BCL2L13: variants seen among roughly 807,000 people sequenced by gnomAD.
BCL2L13 encodes bcl-2-like protein 13.
A neutral mutation model predicts 25.8 loss-of-function variants in BCL2L13; 13 were observed. The ratio of observed to expected loss-of-function variants is 0.50; its 90% CI spans 0.33 to 0.80. The LOEUF (loss-of-function observed/expected upper bound fraction) is 0.80. Among genes scored for constraint, BCL2L13 ranks in the 30% least tolerant of loss-of-function variants. The pLI is 0.02. For missense variants in BCL2L13, 504 were observed against 574.9 expected, an observed-to-expected ratio of 0.88 and a Z score of 1.26; for synonymous variants, 244 against 230.3, an observed-to-expected ratio of 1.06 and a Z score of -0.54.
rs395379 is a variant in BCL2L13, at chr22:17,730,157, A to G, written c.*2623A>G. The G allele has an allele frequency of 0.12, 17,763 of 151,994 alleles. 1,473 individuals carry two copies. Among genetic ancestry groups the G allele is most frequent in the Non-Finnish European group, 0.18 (11,961 of 67,946 alleles). The allele number at this position is 151,994 out of a possible 1,614,324, so 9.4% of individuals were successfully genotyped here. A position where few individuals can be genotyped will look rare whatever the true frequency, so the allele number is the denominator to read the frequency against. ...TTGAAGGTAATGATTTATTGGGGGG[A>G]AAAAACAACGCCAATTTATCCTCTC... On this transcript the variant is annotated 3_prime_UTR_variant, in exon 7 of 7. Transcript: ENST00000317582.
chr22:17,718,558 CCTATA>C, intron 6 of BCL2L13, among the ~76,000 whole-genome samples: 1 of 152,160 alleles, frequency 6.6e-6, no homozygotes, highest in Non-Finnish European at 1.5e-5. Context: ...TTACATTATG[CCTATA>C]CTAATGAAAA....
chr22:17,651,262 T>C (rs2058674894), intron 1 of BCL2L13, among the ~76,000 whole-genome samples: 1 of 151,610 alleles, frequency 6.6e-6, no homozygotes, highest in Non-Finnish European at 1.5e-5. Flanking sequence ...CCTCCCAAAG[T>C]GCTAGGATTA....
At chr22:17,715,046 G>T (rs1266624710) in intron 6 of BCL2L13, among the ~76,000 whole-genome samples, 1 of 146,816 alleles carries the variant, frequency 6.8e-6, no homozygotes, top group Non-Finnish European at 1.5e-5. Context: ...AGAAGTGACA[G>T]CTATTCAGTG....
chr22:17,668,792 A>G (rs758446934), intron 2 of BCL2L13, among the ~76,000 whole-genome samples: 1 of 151,986 alleles, frequency 6.6e-6, no homozygotes, highest in Non-Finnish European at 1.5e-5. Context: ...ATTTTTACAT[A>G]TGGTTTGAAG....
At chr22:17,642,147 T>G (rs1312895045) in intron 1 of BCL2L13, among the ~76,000 whole-genome samples, 2 of 146,482 alleles carry the variant, frequency 1.4e-5, no homozygotes, top group African/African-American at 5.1e-5. Flanking sequence ...TTTTTTTTTT[T>G]TTTGAGACGG....
In BCL2L13 at chr22:17,728,089, C is replaced by CG; in HGVS notation, c.*555_*556insG. ...TTAATCCCCTTAGAATTTCATCTTTCTCGATGAGCAGGCTCTGCACCCACT... is the reference window on the plus strand; with the variant it reads ...TTAATCCCCTTAGAATTTCATCTTTCGTCGATGAGCAGGCTCTGCACCCACT... On this transcript the variant is annotated 3_prime_UTR_variant, in exon 7 of 7. Transcript: ENST00000317582. 6.4e-6 allele frequency: 1 copy of CG among 157,370 alleles called. No homozygotes were observed. Among genetic ancestry groups the CG allele is most frequent in the Admixed American group, 6.0e-5 (1 of 16,806 alleles). 9.7% of individuals were successfully genotyped at this position (157,370 alleles called of 1,614,324 possible). A position where few individuals can be genotyped will look rare whatever the true frequency, so the allele number is the denominator to read the frequency against.
intron 1 of BCL2L13, chr22:17,629,061 G>A: frequency 5.5e-6 from 1 of 183,474 alleles, no homozygotes; most frequent in Non-Finnish European, 1.2e-5. Flanking sequence ...ACAGGGTTAT[G>A]GGCTTAGGGG....
chr22:17,630,992 G>A (rs2058002510), intron 1 of BCL2L13, among the ~76,000 whole-genome samples: 1 of 151,966 alleles, frequency 6.6e-6, no homozygotes, highest in African/African-American at 2.4e-5. Flanking sequence ...GTCACTTACT[G>A]CATTAGTGAT....
chr22:17,691,705 C>T (rs545941121), intron 4 of BCL2L13, among the ~76,000 whole-genome samples: 75 of 152,106 alleles, frequency 4.9e-4, no homozygotes, highest in Middle Eastern at 3.4e-3. Context: ...TTGGAGCAAA[C>T]CATGTCACCC....
chr22:17,660,114 C>A (rs1159012479), intron 2 of BCL2L13, among the ~76,000 whole-genome samples: 1 of 146,586 alleles, frequency 6.8e-6, no homozygotes, highest in African/African-American at 2.4e-5. Flanking sequence ...ACCTTGGCCT[C>A]CCAAAGTGCT....
rs1432076286 is a variant in BCL2L13, at chr22:17,681,482, G to GTAC, written c.122-1732_122-1731insTAC. Among the ~76,000 whole-genome samples, 152 of 150,936 alleles carry GTAC rather than the reference G, an allele frequency of 1.0e-3. 1 individual carries two copies. The highest frequency in any genetic ancestry group is 2.4e-3 in the Admixed American group (37 of 15,122). On this transcript the variant is annotated intron_variant, in intron 2 of 6. Coordinates refer to ENST00000317582, the MANE Select transcript of BCL2L13 (RefSeq NM_015367.4). ...CCACTGTACTCCAGCCTGGGGGACA[G>GTAC]AGCGAGACTCCGTCTGAAAAAAAAA...
At chr22:17,632,075 C>G (rs935067369) in intron 1 of BCL2L13, among the ~76,000 whole-genome samples, 2 of 152,042 alleles carry the variant, frequency 1.3e-5, no homozygotes, top group African/African-American at 4.8e-5. Context: ...CCCATTTGTA[C>G]TAGTGTACAA....
intron 1 of BCL2L13, among the ~76,000 whole-genome samples, chr22:17,631,942 G>A (rs1254284131): frequency 2.0e-5 from 3 of 151,058 alleles, no homozygotes; most frequent in African/African-American, 7.3e-5. Context: ...GGCTGATCTC[G>A]AACTCCTGAC....
At chr22:17,654,527 A>G (rs564180420) in intron 1 of BCL2L13, among the ~76,000 whole-genome samples, 1 of 151,018 alleles carries the variant, frequency 6.6e-6, no homozygotes, top group African/African-American at 2.4e-5. Flanking sequence ...GGTTTATGCC[A>G]TTCTCCTGCC....
intron 2 of BCL2L13, among the ~76,000 whole-genome samples, chr22:17,677,098 T>G (rs566963828): frequency 6.6e-6 from 1 of 152,300 alleles, no homozygotes; most frequent in South Asian, 2.1e-4. Flanking sequence ...GGCAGGAGGA[T>G]GGCTTGAGCC....
At chr22:17,697,802 A>G (rs2060308791) in intron 5 of BCL2L13, among the ~76,000 whole-genome samples, 1 of 152,086 alleles carries the variant, frequency 6.6e-6, no homozygotes, top group South Asian at 2.1e-4. Flanking sequence ...ATTCTCTCTG[A>G]TATAGACATT....
intron 1 of BCL2L13, among the ~76,000 whole-genome samples, chr22:17,651,407 G>T: frequency 6.6e-6 from 1 of 151,016 alleles, no homozygotes. Context: ...ATTTGAGACG[G>T]AGTCTTACTC....
intron 4 of BCL2L13, among the ~76,000 whole-genome samples, chr22:17,693,641 A>G (rs1381829908): frequency 1.3e-5 from 2 of 151,954 alleles, no homozygotes; most frequent in East Asian, 1.9e-4. Context: ...CAGCCTCCCA[A>G]AGTGCTGGGA....
intron 6 of BCL2L13, among the ~76,000 whole-genome samples, chr22:17,719,845 A>AG (rs1261137386): frequency 7.0e-6 from 1 of 142,774 alleles, no homozygotes; most frequent in African/African-American, 2.7e-5. Context: ...AAAAAAAAAA[A>AG]AAAAAGAATG....
Sources: gnomAD v4.1 joint callset for allele counts (sites outside exome capture counted in the v4.1 genomes callset) on GRCh38, gnomAD v4.1.1 for gene constraint, MANE v1.5 for transcripts, NCBI Gene and HGNC (gene_info 2026-07-23, HGNC 2026-07-21) for gene names.